The following TNFRSF10B variants were observed in gnomAD, a reference collection of about 807,000 sequenced individuals.
TNFRSF10B encodes the protein tumor necrosis factor receptor superfamily member 10B.
TNFRSF10B carries 35 observed loss-of-function variants against 41.4 expected under a neutral mutation model. The ratio of observed to expected loss-of-function variants is 0.85; its 90% CI spans 0.65 to 1.12. The LOEUF (loss-of-function observed/expected upper bound fraction) is 1.12, where lower values mean the gene tolerates loss of function less well. TNFRSF10B is among the 50% of genes most tolerant of loss of function. TNFRSF10B has a pLI of 0.00. For synonymous variants in TNFRSF10B, 230 were observed against 215.5 expected, an observed-to-expected ratio of 1.07 and a Z score of -0.59; for missense variants, 584 against 552.7, an observed-to-expected ratio of 1.06 and a Z score of -0.57.
intron 2 of TNFRSF10B, among the ~76,000 whole-genome samples, chr8:23,033,437 AT>A (rs1811936858): frequency 6.6e-6 from 1 of 151,796 alleles, no homozygotes. Context: ...ACAAAAAAAA[AT>A]TAGCCGGGCG....
intron 8 of TNFRSF10B, 43 bp from the exon 9 acceptor site, chr8:23,023,027 CAGAA>C: frequency 1.3e-6 from 2 of 1,598,216 alleles, no homozygotes; most frequent in Non-Finnish European, 1.7e-6. Flanking sequence ...AGTTGGGACT[CAGAA>C]AGGGCAGAGG....
chr8:23,045,103 A>G (rs141962945), intron 1 of TNFRSF10B, among the ~76,000 whole-genome samples: 80 of 149,464 alleles, frequency 5.4e-4, no homozygotes, highest in African/African-American at 1.8e-3. Flanking sequence ...GGAGGTGTGC[A>G]TCTGTAATCC....
Position 23,038,001 on chromosome 8 carries a change from T to C in TNFRSF10B, c.250+5137A>G, listed in dbSNP as rs560774886. ...AGACACAACAGTGATTCTGTGTAAC[T>C]TGAAGACTGCCACTTGGCCACTTTG... On this transcript the variant is annotated intron_variant, in intron 2 of 8. Coordinates refer to ENST00000276431, the MANE Select transcript of TNFRSF10B (RefSeq NM_003842.5). Among the ~76,000 whole-genome samples, 3 of 152,348 alleles carry C rather than the reference T, an allele frequency of 2.0e-5. No individual in the cohort carries two copies. The South Asian group carries it at 6.2e-4, about 32-fold the overall frequency.
intron 1 of TNFRSF10B, among the ~76,000 whole-genome samples, chr8:23,064,038 A>G (rs1812911646): frequency 6.6e-6 from 1 of 152,248 alleles, no homozygotes; most frequent in Admixed American, 6.5e-5. Context: ...TGGCGACCGC[A>G]TATGCAAGGA....
In TNFRSF10B at chr8:23,022,110, A is replaced by T. The variant is rs1464343199; in HGVS notation, c.*561T>A. 2.4e-6 allele frequency: 1 copy of T among 423,564 alleles called. No individual in the cohort carries two copies. The highest frequency in any genetic ancestry group is 7.1e-5 in the East Asian group (1 of 14,130). The allele number at this position is 423,564 out of a possible 1,614,324, so 26.2% of individuals were successfully genotyped here. A position where few individuals can be genotyped will look rare whatever the true frequency, so the allele number is the denominator to read the frequency against. On this transcript the variant is annotated 3_prime_UTR_variant, in exon 9 of 9. Coordinates refer to ENST00000276431, the MANE Select transcript of TNFRSF10B (RefSeq NM_003842.5). ...CCTATATCTAGACAAAATACAAAAAATTAGCCGGGCGTGGTGGTGCACACC... is the reference window on the plus strand; with the variant it reads ...CCTATATCTAGACAAAATACAAAAATTTAGCCGGGCGTGGTGGTGCACACC...
chr8:23,041,638 A>C lies in TNFRSF10B; in HGVS notation c.250+1500T>G, dbSNP rs145177168. ...AAAAAAAAAAACCTAACCTCTTACT[A>C]GGAGTGAAGAAAACCTAGGAGAACC... is the stretch of plus-strand genomic sequence containing the variant. On this transcript the variant is annotated intron_variant, in intron 2 of 8. Transcript: ENST00000276431. 5.6e-3 allele frequency among the ~76,000 whole-genome samples: 853 copies of C among 151,694 alleles called. 1 individual carries two copies. The highest frequency in any genetic ancestry group is 9.6e-3 in the Non-Finnish European group (649 of 67,908).
chr8:23,022,857 C>G lies in TNFRSF10B; in HGVS notation c.1137G>C (p.Arg379Ser), dbSNP rs144232345. Residue 379 changes from arginine (R) to serine (S), a missense_variant, in exon 9 of 9, where the codon AGG becomes AGC. Physicochemically the swap from Arg to Ser is moderately radical, Grantham distance 110. Coordinates refer to ENST00000276431, the MANE Select transcript of TNFRSF10B (RefSeq NM_003842.5). Reference sequence around the variant, plus strand: ...TTATCAGCATCGTGTACAAGGTGTCCCTGTGGCCCGCTGCCTCAGCTTTAG... The same window carrying G: ...TTATCAGCATCGTGTACAAGGTGTCGCTGTGGCCCGCTGCCTCAGCTTTAG... ...KVAKAEAAGH[R>S]DTLYTMLIKW... 90 of 1,613,922 alleles carry G rather than the reference C, an allele frequency of 5.6e-5. 1 individual carries two copies. Among genetic ancestry groups the G allele is most frequent in the Non-Finnish European group, 7.6e-5 (90 of 1,180,014 alleles).
At chr8:23,035,617 C>A (rs556230859) in intron 2 of TNFRSF10B, among the ~76,000 whole-genome samples, 3 of 152,236 alleles carry the variant, frequency 2.0e-5, no homozygotes, top group Admixed American at 1.3e-4. Context: ...ATTTCAAGGG[C>A]CTTTTACCTC....
At chr8:23,047,720 A>C (rs1348989984) in intron 1 of TNFRSF10B, among the ~76,000 whole-genome samples, 2 of 152,194 alleles carry the variant, frequency 1.3e-5, no homozygotes, top group African/African-American at 4.8e-5. Flanking sequence ...GTTGGTGAGG[A>C]TATGGAGAAA....
chr8:23,024,102 G>GAGCC (rs1811627771), intron 8 of TNFRSF10B, 86 bp downstream of exon 8: 1 of 1,548,224 alleles, frequency 6.5e-7, no homozygotes, highest in African/African-American at 1.4e-5. Flanking sequence ...TACTCTGGAA[G>GAGCC]AGCCCTCTGA....
chr8:23,029,674 G>T lies in TNFRSF10B; in HGVS notation c.412C>A (p.Gln138Lys), dbSNP rs925181423. 8.1e-6 allele frequency: 13 copies of T among 1,614,038 alleles called. No homozygotes were observed. The highest frequency in any genetic ancestry group is 1.1e-5 in the Non-Finnish European group (13 of 1,179,984). ...TCCCGGAAGGTGCCTTCTTCGCACT[G>T]ACACACTGTGTTTCTGGTCGTGGTG... ...PCTTTRNTVC[Q>K]CEEGTFREED... The change falls in exon 4 of 9, where the codon CAG (glutamine) becomes AAG (lysine). Residue 138 changes from glutamine to lysine, a missense_variant. Gln to Lys is a moderately conservative substitution (Grantham distance 53, BLOSUM62 1). Coordinates refer to ENST00000276431, the MANE Select transcript of TNFRSF10B (RefSeq NM_003842.5).
rs184982993 is a variant in TNFRSF10B at position 23,022,545 on chromosome 8, G to T, written c.*126C>A. 1,847 of 993,352 alleles carry T rather than the reference G, an allele frequency of 1.9e-3. 7 individuals are homozygous for T. Among genetic ancestry groups the T allele is most frequent in the Non-Finnish European group, 1.8e-3 (1,183 of 643,218 alleles). The allele number at this position is 993,352 out of a possible 1,614,324, so 61.5% of individuals were successfully genotyped here. On this transcript the variant is annotated 3_prime_UTR_variant, in exon 9 of 9. Coordinates refer to ENST00000276431, the MANE Select transcript of TNFRSF10B (RefSeq NM_003842.5). The stretch of plus-strand genomic sequence containing the variant: ...TCCATCCACTGGGTGATGTTGGATG[G>T]GAGAGTTTCTTCCAGTACCGGTCAT...
chr8:23,063,857 C>G (rs1320838665), intron 1 of TNFRSF10B, among the ~76,000 whole-genome samples: 1 of 152,206 alleles, frequency 6.6e-6, no homozygotes, highest in Admixed American at 6.5e-5. Flanking sequence ...TTGGGTGATC[C>G]TCCGTACTCT....
At chr8:23,049,142 A>C (rs780834377) in intron 1 of TNFRSF10B, among the ~76,000 whole-genome samples, 26 of 152,118 alleles carry the variant, frequency 1.7e-4, no homozygotes, top group Admixed American at 5.9e-4. Context: ...ACTGGGAAAA[A>C]CAGTATCGTG....
chr8:23,068,600 C>T, intron 1 of TNFRSF10B, 151 bp downstream of exon 1: 1 of 1,278,352 alleles, frequency 7.8e-7, no homozygotes, highest in Admixed American at 2.6e-5. Context: ...CCCATCTCTT[C>T]CCCCGACTCC....
intron 5 of TNFRSF10B, 53 bp from the exon 6 acceptor site, chr8:23,027,806 C>G: frequency 1.9e-6 from 3 of 1,611,828 alleles, no homozygotes; most frequent in South Asian, 2.2e-5. Context: ...TGAAGCACCC[C>G]CCTCCCAGAG....
At chr8:23,046,279 A>T (rs866964915) in intron 1 of TNFRSF10B, among the ~76,000 whole-genome samples, 4 of 152,198 alleles carry the variant, frequency 2.6e-5, no homozygotes, top group Admixed American at 6.5e-5. Context: ...AATCAGTAGC[A>T]TTTCTATATA....
chr8:23,027,727 C>G lies in TNFRSF10B; in HGVS notation c.775G>C (p.Asp259His). ...SGGGGDPERV[D>H]RSSQRPGAED... ...TCCTGGAGAAATCAACTCACTCTGT[C>G]CACACGCTCAGGGTCCCCACCACCA... is the stretch of plus-strand genomic sequence containing the variant. Residue 259 changes from aspartate to histidine, a missense_variant, in exon 6 of 9, where the codon GAC (aspartate) becomes CAC (histidine). By Grantham distance (81) the Asp-to-His change is moderately conservative. Coordinates refer to ENST00000276431, the MANE Select transcript of TNFRSF10B (RefSeq NM_003842.5). The G allele has an allele frequency of 1.2e-6, 2 of 1,614,038 alleles. No homozygotes were observed. Among genetic ancestry groups the G allele is most frequent in the Non-Finnish European group, 1.7e-6 (2 of 1,180,000 alleles).
At chr8:23,040,222 C>T (rs144618001) in intron 2 of TNFRSF10B, among the ~76,000 whole-genome samples, 2,618 of 139,730 alleles carry the variant, frequency 0.019, 73 homozygotes, top group Non-Finnish European at 0.029. Flanking sequence ...AGATATGTAT[C>T]TTTAAGATAT....
Sources: allele counts gnomAD v4.1 joint callset (sites outside exome capture counted in the v4.1 genomes callset), GRCh38; gene constraint gnomAD v4.1.1; transcripts MANE v1.5; gene names NCBI Gene and HGNC (gene_info 2026-07-23, HGNC 2026-07-21).